Variants in IGSF21 observed in about 807,000 individuals in gnomAD.
IGSF21 encodes immunoglobulin superfamily member 21.
In IGSF21, 28 loss-of-function variants were observed where a neutral mutation model predicts 46.8. That is an observed-to-expected ratio of 0.60 (90% confidence interval 0.44 to 0.82). The LOEUF is 0.82. Ranked by LOEUF, IGSF21 falls within the 40% of genes least tolerant of loss-of-function variation. The pLI is 0.00. For synonymous variants in IGSF21, 284 were observed against 273.6 expected, an observed-to-expected ratio of 1.04 and a Z score of -0.38; for missense variants, 624 against 665.5, an observed-to-expected ratio of 0.94 and a Z score of 0.69.
chr1:18,165,626 A>C (rs1042552032), intron 1 of IGSF21, among the ~76,000 whole-genome samples: 2 of 152,220 alleles, frequency 1.3e-5, no homozygotes, highest in African/African-American at 4.8e-5. Context: ...CCATCTAATT[A>C]AGAATAAATA....
At chr1:18,367,360 G>T (rs1377459833) in intron 6 of IGSF21, among the ~76,000 whole-genome samples, 1 of 151,628 alleles carries the variant, frequency 6.6e-6, no homozygotes, top group African/African-American at 2.4e-5. Flanking sequence ...GCACAAGTTG[G>T]CTGTGTAGTC....
chr1:18,187,685 C>T (rs1356508154), intron 1 of IGSF21, among the ~76,000 whole-genome samples: 2 of 152,046 alleles, frequency 1.3e-5, no homozygotes, highest in East Asian at 3.9e-4. Context: ...TATCAGGCAC[C>T]ACCCTCAAGA....
intron 1 of IGSF21, among the ~76,000 whole-genome samples, chr1:18,211,489 G>T (rs2084390672): frequency 6.6e-6 from 1 of 152,190 alleles, no homozygotes; most frequent in South Asian, 2.1e-4. Flanking sequence ...GCCAAAGCAA[G>T]GTAATCCAGT....
intron 4 of IGSF21, among the ~76,000 whole-genome samples, chr1:18,359,387 G>GAAAGAAAGGAAGAAAGAAAGAAAGA (rs1557659651): frequency 5.9e-5 from 2 of 33,894 alleles, no homozygotes; most frequent in African/African-American, 2.2e-4. Flanking sequence ...AGAAAGAAAG[G>GAAAGAAAGGAAGAAAGAAAGAAAGA]AAGGAAGGAA....
At chr1:18,364,039 G>A (rs1361908603) in intron 5 of IGSF21, among the ~76,000 whole-genome samples, 1 of 152,008 alleles carries the variant, frequency 6.6e-6, no homozygotes, top group East Asian at 1.9e-4. Context: ...TTTCCTGAAA[G>A]GCACAAAGAA....
chr1:18,200,036 G>A (rs1207675566), intron 1 of IGSF21, among the ~76,000 whole-genome samples: 1 of 152,118 alleles, frequency 6.6e-6, no homozygotes, highest in Admixed American at 6.5e-5. Context: ...CCCACTCATG[G>A]GTTCTGCTGC....
At chr1:18,276,737 G>A (rs1390179431) in intron 2 of IGSF21, among the ~76,000 whole-genome samples, 2 of 152,084 alleles carry the variant, frequency 1.3e-5, no homozygotes, top group Non-Finnish European at 2.9e-5. Context: ...CTACACTGGG[G>A]TTTCTGTTTT....
chr1:18,241,080 C>T (rs949126522), intron 2 of IGSF21, among the ~76,000 whole-genome samples: 1 of 152,146 alleles, frequency 6.6e-6, no homozygotes, highest in African/African-American at 2.4e-5. Context: ...AAGTGCCCCA[C>T]CCTTGAGTGA....
intron 1 of IGSF21, chr1:18,110,257 G>A (rs1331920753): frequency 1.3e-5 from 2 of 152,278 alleles, no homozygotes; most frequent in African/African-American, 4.8e-5. Context: ...GGAGATCCGA[G>A]GCAGCCGGGA....
chr1:18,189,202 AAC>A (rs1193019524), intron 1 of IGSF21, among the ~76,000 whole-genome samples: 1 of 152,244 alleles, frequency 6.6e-6, no homozygotes, highest in Non-Finnish European at 1.5e-5. Context: ...CTTTGGGGCA[AAC>A]ATCCCCTTCT....
At chr1:18,273,233 G>A (rs1055026035) in intron 2 of IGSF21, among the ~76,000 whole-genome samples, 3 of 151,350 alleles carry the variant, frequency 2.0e-5, no homozygotes, top group Non-Finnish European at 4.4e-5. Flanking sequence ...TAGAGACGGG[G>A]TTTCACCATA....
chr1:18,314,933 G>T (rs2085525667), intron 3 of IGSF21, among the ~76,000 whole-genome samples: 2 of 152,074 alleles, frequency 1.3e-5, no homozygotes, highest in African/African-American at 4.8e-5. Context: ...TATCTTCCTG[G>T]CCCAGCTGAT....
chr1:18,275,925 A>G (rs1450291510), intron 2 of IGSF21, among the ~76,000 whole-genome samples: 2 of 152,092 alleles, frequency 1.3e-5, no homozygotes, highest in African/African-American at 4.8e-5. Flanking sequence ...AGAGGACTAC[A>G]GTCCCCACCG....
At chr1:18,279,167 A>C (rs966483263) in intron 2 of IGSF21, among the ~76,000 whole-genome samples, 2 of 152,306 alleles carry the variant, frequency 1.3e-5, no homozygotes, top group African/African-American at 4.8e-5. Context: ...ATCTCAGCTT[A>C]CATGTGACCT....
At chr1:18,324,843 A>C (rs1276188375) in intron 3 of IGSF21, among the ~76,000 whole-genome samples, 4 of 152,184 alleles carry the variant, frequency 2.6e-5, no homozygotes, top group African/African-American at 9.6e-5. Context: ...CTTGGCCAAA[A>C]GGAGGGTAGG....
intron 9 of IGSF21, among the ~76,000 whole-genome samples, chr1:18,378,035 C>T (rs1315169265): frequency 6.6e-6 from 1 of 152,202 alleles, no homozygotes; most frequent in Non-Finnish European, 1.5e-5. Context: ...CCTCACTGCA[C>T]CATCCTCATG....
chr1:18,216,122 C>T (rs2084443019), intron 1 of IGSF21, among the ~76,000 whole-genome samples: 1 of 152,156 alleles, frequency 6.6e-6, no homozygotes, highest in Non-Finnish European at 1.5e-5. Context: ...GAGGGTGTAT[C>T]AGACTCATAT....
Position 18,287,535 on chromosome 1 carries a change from A to G in IGSF21, c.184-4331A>G, listed in dbSNP as rs1404163645. On this transcript the variant is annotated intron_variant, in intron 2 of 9. Transcript: ENST00000251296. ...GAATATGGAGTGAATGAAATCATTCATTTCAGAAGTGCCTCTCGCTCTGGG... is the reference window on the plus strand; with the variant it reads ...GAATATGGAGTGAATGAAATCATTCGTTTCAGAAGTGCCTCTCGCTCTGGG... Among the ~76,000 whole-genome samples, 8 of 152,212 alleles carry G rather than the reference A, an allele frequency of 5.3e-5. 1 individual carries two copies. Among genetic ancestry groups the G allele is most frequent in the Admixed American group, 3.9e-4 (6 of 15,286 alleles).
intron 2 of IGSF21, among the ~76,000 whole-genome samples, chr1:18,245,106 G>A (rs1739109): frequency 0.98 from 149,481 of 152,320 alleles, 73,399 homozygotes; most frequent in East Asian, 1. Flanking sequence ...TTGTAAAAAA[G>A]GGTTTCCCTG....
Sources: allele counts gnomAD v4.1 joint callset (sites outside exome capture counted in the v4.1 genomes callset), GRCh38; gene constraint gnomAD v4.1.1; transcripts MANE v1.5; gene names NCBI Gene and HGNC (gene_info 2026-07-23, HGNC 2026-07-21).